The following STK32B variants were observed in gnomAD, a reference collection of about 807,000 sequenced individuals.
STK32B encodes the protein serine/threonine-protein kinase 32B.
In STK32B, 43 loss-of-function variants were observed where a neutral mutation model predicts 52.6. The observed-to-expected ratio is 0.82, with a 90% confidence interval of 0.64 to 1.05. The LOEUF (loss-of-function observed/expected upper bound fraction) is 1.05, where lower values mean the gene tolerates loss of function less well. Ranked by LOEUF, STK32B falls within the 50% of genes least tolerant of loss-of-function variation. STK32B has a pLI of 0.00. For missense variants in STK32B, 621 were observed against 534.6 expected, an observed-to-expected ratio of 1.16 and a Z score of -1.59; for synonymous variants, 238 against 204.3, an observed-to-expected ratio of 1.17 and a Z score of -1.41.
At chr4:5,345,760 A>G (rs1431375094) in intron 4 of STK32B, among the ~76,000 whole-genome samples, 1 of 152,260 alleles carries the variant, frequency 6.6e-6, no homozygotes, top group African/African-American at 2.4e-5. Flanking sequence ...AAGTTCTTCA[A>G]CAACACGTAT....
intron 4 of STK32B, among the ~76,000 whole-genome samples, chr4:5,364,335 C>T (rs933693646): frequency 3.3e-5 from 5 of 152,014 alleles, no homozygotes; most frequent in Admixed American, 2.6e-4. Flanking sequence ...ATTATTGGGC[C>T]TCAGTGAAAG....
Position 5,052,057 on chromosome 4 carries a change from G to C in STK32B, c.52+142G>C, listed in dbSNP as rs1041915421. On this transcript the variant is annotated intron_variant, in intron 1 of 11. Transcript: ENST00000282908. ...ACTTCGCCCAGCGAATGCAGTGTGT[G>C]CCCGACCCGTGCCAGGCGCGGCGCT... 7.6e-6 allele frequency: 10 copies of C among 1,308,482 alleles called. No individual in the cohort carries two copies. In the African/African-American group the frequency reaches 1.1e-4, roughly 14 times the overall value. The allele number at this position is 1,308,482 out of a possible 1,614,324, so 81.1% of individuals were successfully genotyped here. A position where few individuals can be genotyped will look rare whatever the true frequency, so the allele number is the denominator to read the frequency against.
the STK32B span, among the ~76,000 whole-genome samples, chr4:5,031,767 G>A: frequency 1.7e-4 from 26 of 152,264 alleles, no homozygotes; most frequent in Admixed American, 4.6e-4. Flanking sequence ...CACTTAGCAG[G>A]CCTGTGATAT....
chr4:5,098,212 G>A (rs76952056), intron 1 of STK32B, among the ~76,000 whole-genome samples: 8,309 of 152,262 alleles, frequency 0.055, 742 homozygotes, highest in African/African-American at 0.19. Flanking sequence ...GGTGTGGTAT[G>A]GAAAGCAGTG....
chr4:5,431,997 C>T (rs954497280), intron 6 of STK32B, among the ~76,000 whole-genome samples: 7 of 152,172 alleles, frequency 4.6e-5, no homozygotes, highest in Admixed American at 6.5e-5. Flanking sequence ...GTTGGGCTTC[C>T]ATTTATGCAT....
Position 5,373,527 on chromosome 4 carries a change from A to G in STK32B, c.435-24680A>G, listed in dbSNP as rs74961783. Among the ~76,000 whole-genome samples, 76 of 152,294 alleles carry G rather than the reference A, an allele frequency of 5.0e-4. No homozygotes were observed. In the East Asian group the frequency reaches 0.015, roughly 29 times the overall value. The stretch of plus-strand genomic sequence containing the variant: ...TAGCCAGGCCTTCAACTGATCGGAC[A>G]AGGCCCACCCCCTCTTAAGGGAGGC... On this transcript the variant is annotated intron_variant, in intron 4 of 11. Transcript: ENST00000282908.
At chr4:5,239,597 G>A (rs182661959) in intron 3 of STK32B, among the ~76,000 whole-genome samples, 2 of 152,100 alleles carry the variant, frequency 1.3e-5, no homozygotes, top group African/African-American at 4.8e-5. Context: ...CACTGAGTGT[G>A]CACCCAACTG....
chr4:5,454,480 C>G (rs573949278), intron 7 of STK32B, among the ~76,000 whole-genome samples: 1 of 152,170 alleles, frequency 6.6e-6, no homozygotes, highest in East Asian at 1.9e-4. Context: ...TATACGGACT[C>G]AGGTCACGTA....
chr4:5,059,022 A>G (rs1452628197), intron 1 of STK32B, among the ~76,000 whole-genome samples: 1 of 126,504 alleles, frequency 7.9e-6, no homozygotes, highest in Admixed American at 8.6e-5. Context: ...AAGTTCTGAG[A>G]TTACAGGCGT....
intron 2 of STK32B, among the ~76,000 whole-genome samples, chr4:5,153,423 A>G (rs1717534778): frequency 6.6e-6 from 1 of 151,708 alleles, no homozygotes; most frequent in Non-Finnish European, 1.5e-5. Context: ...AACAATGTTC[A>G]GCCCTCAGCA....
chr4:5,430,727 T>A (rs866212239), intron 6 of STK32B, among the ~76,000 whole-genome samples: 12 of 152,138 alleles, frequency 7.9e-5, no homozygotes, highest in African/African-American at 2.9e-4. Context: ...TAGCATTGAG[T>A]CAATCTAATT....
chr4:5,121,338 G>C (rs1056355410), intron 1 of STK32B, among the ~76,000 whole-genome samples: 12 of 152,070 alleles, frequency 7.9e-5, no homozygotes, highest in Admixed American at 5.9e-4. Flanking sequence ...ATTTAGGTTG[G>C]TTCCATTTCC....
intron 5 of STK32B, among the ~76,000 whole-genome samples, chr4:5,406,738 C>T (rs905048561): frequency 2.6e-5 from 4 of 152,086 alleles, no homozygotes; most frequent in African/African-American, 4.8e-5. Flanking sequence ...AGCAGTGTCT[C>T]GAGGTTAGGC....
In STK32B at chr4:5,331,402, G is replaced by T; in HGVS notation, c.434+9G>T. The T allele has an allele frequency of 6.2e-7, 1 of 1,602,746 alleles. No individual in the cohort carries two copies. Among genetic ancestry groups the T allele is most frequent in the Non-Finnish European group, 8.5e-7 (1 of 1,173,146 alleles). On this transcript the variant is annotated intron_variant, in intron 4 of 11. Coordinates refer to ENST00000282908, the MANE Select transcript of STK32B (RefSeq NM_018401.3). ...TACCACATCATCCACAGGTAACTGG[G>T]CTGCTGGCGGGATGCCTGGGACAGA...
chr4:5,498,759 G>C (rs186041049), intron 11 of STK32B, among the ~76,000 whole-genome samples, 186 bp from the exon 12 acceptor site: 1 of 152,224 alleles, frequency 6.6e-6, no homozygotes, highest in East Asian at 1.9e-4. Flanking sequence ...CCTGAGCTGC[G>C]CTTTGATCCG....
intron 7 of STK32B, among the ~76,000 whole-genome samples, chr4:5,450,905 T>A (rs749710393): frequency 8.5e-5 from 13 of 152,142 alleles, no homozygotes; most frequent in Non-Finnish European, 1.8e-4. Flanking sequence ...CACACCTGCT[T>A]GCTGACCATT....
At chr4:5,083,533 C>T (rs1027279058) in intron 1 of STK32B, among the ~76,000 whole-genome samples, 1 of 152,142 alleles carries the variant, frequency 6.6e-6, no homozygotes, top group Non-Finnish European at 1.5e-5. Context: ...TAGCCCCTTA[C>T]ACAGAGACTG....
rs536973173 is a variant in STK32B, at chr4:5,394,194, T to C, written c.435-4013T>C. ...TTTATGCTTTGTTTTATTTGAGGGC[T>C]GGGGAATAATTCAAGAGCAGCACCG... On this transcript the variant is annotated intron_variant, in intron 4 of 11. Transcript: ENST00000282908. The surrounding 1 kb of genome is among the most constrained non-coding windows in gnomAD (Gnocchi z 4.2). Among the ~76,000 whole-genome samples the C allele has an allele frequency of 1.3e-5, 2 of 152,172 alleles. No individual in the cohort carries two copies. Among genetic ancestry groups the C allele is most frequent in the Non-Finnish European group, 2.9e-5 (2 of 68,024 alleles).
chr4:5,478,465 T>G (rs1213288721), intron 11 of STK32B, among the ~76,000 whole-genome samples: 1 of 152,188 alleles, frequency 6.6e-6, no homozygotes, highest in Non-Finnish European at 1.5e-5. Context: ...TGGCAGAACT[T>G]TAATGCTTCT....
Sources: gnomAD v4.1 joint callset for allele counts (sites outside exome capture counted in the v4.1 genomes callset) on GRCh38, gnomAD v4.1.1 for gene constraint, Gnocchi (gnomAD v3.1) non-coding constraint, MANE v1.5 for transcripts, NCBI Gene and HGNC (gene_info 2026-07-23, HGNC 2026-07-21) for gene names.